GOPC: variants seen among roughly 807,000 people sequenced by gnomAD.
GOPC encodes Golgi-associated PDZ and coiled-coil motif-containing protein.
Under a neutral mutation model 51.2 loss-of-function variants are expected in GOPC, and 32 were observed. That is an observed-to-expected ratio of 0.63 (90% CI 0.47 to 0.84). The LOEUF is 0.84. GOPC is among the 40% of genes least tolerant of loss of function. GOPC has a pLI of 0.00. For synonymous variants in GOPC, 190 were observed against 205.1 expected, an observed-to-expected ratio of 0.93 and a Z score of 0.63; for missense variants, 441 against 555.5, an observed-to-expected ratio of 0.79 and a Z score of 2.07.
chr6:117,571,293 A>G (rs948874680), intron 5 of GOPC, among the ~76,000 whole-genome samples: 12 of 152,200 alleles, frequency 7.9e-5, no homozygotes, highest in African/African-American at 2.7e-4. Context: ...TCTTCACTGG[A>G]TATCTTTAAG....
At chr6:117,569,798 C>T (rs1278174287) in intron 6 of GOPC, 62 bp from the exon 7 acceptor site, 5 of 1,444,126 alleles carry the variant, frequency 3.5e-6, no homozygotes, top group Non-Finnish European at 4.6e-6. Flanking sequence ...ACCGATTAAT[C>T]TAGAGATAAA....
chr6:117,602,279 C>T lies in GOPC; in HGVS notation c.10G>A (p.Gly4Ser), dbSNP rs1772031482. 4.4e-6 allele frequency: 7 copies of T among 1,590,660 alleles called. No individual in the cohort carries two copies. Among genetic ancestry groups the T allele is most frequent in the Non-Finnish European group, 6.0e-6 (7 of 1,175,844 alleles). The change falls in exon 1 of 9, where the codon GGC (glycine) becomes AGC (serine). Residue 4 changes from glycine to serine, a missense_variant. Coordinates refer to ENST00000368498, the MANE Select transcript of GOPC (RefSeq NM_020399.4). Reference protein sequence around the residue: MSAGGPCPAAAGGG... With the variant: MSASGPCPAAAGGG... The stretch of plus-strand genomic sequence containing the variant: ...CCGGCTGCTGCTGGGCATGGACCGC[C>T]CGCCGACATGGCGCCGTCAAGGGCC...
Position 117,602,456 on chromosome 6 carries a change from C to T in GOPC, c.-168G>A, listed in dbSNP as rs1037007728. On this transcript the variant is annotated 5_prime_UTR_variant, in exon 1 of 9. Coordinates refer to ENST00000368498, the MANE Select transcript of GOPC (RefSeq NM_020399.4). ...CACAGTCACAGAACCGCAGGAGTAACGAGGCTGAAGCTGAGGCGGCAACGG... is the reference window on the plus strand; with the variant it reads ...CACAGTCACAGAACCGCAGGAGTAATGAGGCTGAAGCTGAGGCGGCAACGG... 4 of 659,956 alleles carry T rather than the reference C, an allele frequency of 6.1e-6. No individual in the cohort carries two copies. The Admixed American group carries it at 9.0e-5, about 15-fold the overall frequency. The allele number at this position is 659,956 out of a possible 1,614,324, so 40.9% of individuals were successfully genotyped here.
At chr6:117,588,432 C>G (rs772527835) in intron 1 of GOPC, among the ~76,000 whole-genome samples, 1 of 151,910 alleles carries the variant, frequency 6.6e-6, no homozygotes, top group Non-Finnish European at 1.5e-5. Context: ...CCCGCCACCA[C>G]GCCCAGCTAA....
intron 1 of GOPC, among the ~76,000 whole-genome samples, chr6:117,583,132 G>A (rs1288272065): frequency 6.6e-6 from 1 of 152,132 alleles, no homozygotes; most frequent in African/African-American, 2.4e-5. Flanking sequence ...CCTCCCATGA[G>A]GGGTGGAGTG....
intron 7 of GOPC, 68 bp downstream of exon 7, chr6:117,569,504 G>C: frequency 6.4e-7 from 1 of 1,568,026 alleles, no homozygotes; most frequent in Non-Finnish European, 8.6e-7. Context: ...TCGTAGGGAA[G>C]TATACAGTGT....
Position 117,561,754 on chromosome 6 carries a change from T to C in GOPC, c.*1500A>G, listed in dbSNP as rs926215802. ...AGTGCACTTCCATTACAAATTAACATGGTGATATACAGATGAACACCACCA... is the reference window on the plus strand; with the variant it reads ...AGTGCACTTCCATTACAAATTAACACGGTGATATACAGATGAACACCACCA... On this transcript the variant is annotated 3_prime_UTR_variant, in exon 9 of 9. Transcript: ENST00000368498. 3.4e-5 allele frequency: 7 copies of C among 206,274 alleles called. No homozygotes were observed. The highest frequency in any genetic ancestry group is 1.1e-4 in the African/African-American group (5 of 43,852). The allele number at this position is 206,274 out of a possible 1,614,324, so 12.8% of individuals were successfully genotyped here.
At chr6:117,574,663 C>T (rs1224963709) in intron 4 of GOPC, among the ~76,000 whole-genome samples, 1 of 152,154 alleles carries the variant, frequency 6.6e-6, no homozygotes, top group Non-Finnish European at 1.5e-5. Flanking sequence ...GTAAACTAAA[C>T]ATATTTAGTA....
At chr6:117,588,535 C>A (rs974087969) in intron 1 of GOPC, among the ~76,000 whole-genome samples, 5 of 152,080 alleles carry the variant, frequency 3.3e-5, no homozygotes, top group African/African-American at 1.2e-4. Context: ...CTCAGCCTCC[C>A]AAAGTGCAAG....
At position 117,602,035 on chromosome 6, in the gene GOPC, T is replaced by C. The variant is rs776265666; in HGVS notation, c.254A>G (p.Gln85Arg). The C allele has an allele frequency of 1.2e-6, 2 of 1,614,194 alleles. No homozygotes were observed. The highest frequency in any genetic ancestry group is 2.2e-5 in the South Asian group (2 of 91,090). Residue 85 changes from glutamine (Q) to arginine (R), a missense_variant, in exon 1 of 9, where the codon CAG (glutamine) becomes CGG (arginine). By Grantham distance (43) the Gln-to-Arg change is conservative. Coordinates refer to ENST00000368498, the MANE Select transcript of GOPC (RefSeq NM_020399.4). ...SCFAQLCHKA[Q>R]SVSQINHKLE... ...CTTGTGGTTGATTTGAGACACAGAC[T>C]GGGCTTTGTGGCAAAGCTGTGCAAA...
intron 3 of GOPC, among the ~76,000 whole-genome samples, chr6:117,576,679 T>C (rs539647673): frequency 6.6e-6 from 1 of 152,212 alleles, no homozygotes; most frequent in East Asian, 1.9e-4. Flanking sequence ...AAATCCCTAA[T>C]GAATCTGACA....
chr6:117,597,603 T>C (rs1452883801), intron 1 of GOPC, among the ~76,000 whole-genome samples: 1 of 152,180 alleles, frequency 6.6e-6, no homozygotes, highest in Non-Finnish European at 1.5e-5. Flanking sequence ...CAATTTGAAA[T>C]GGCACCACCT....
intron 1 of GOPC, among the ~76,000 whole-genome samples, chr6:117,591,096 C>G (rs925800506): frequency 6.6e-6 from 1 of 152,202 alleles, no homozygotes; most frequent in Non-Finnish European, 1.5e-5. Flanking sequence ...AGGTGATCTG[C>G]CCACCTCAGT....
intron 1 of GOPC, among the ~76,000 whole-genome samples, chr6:117,595,253 T>C (rs1583065310): frequency 6.6e-6 from 1 of 152,314 alleles, no homozygotes; most frequent in East Asian, 1.9e-4. Flanking sequence ...CGTCAGTTAG[T>C]CTAAATCCTA....
chr6:117,577,691 T>C (rs1466915330), intron 2 of GOPC, among the ~76,000 whole-genome samples: 1 of 152,088 alleles, frequency 6.6e-6, no homozygotes, highest in East Asian at 1.9e-4. Flanking sequence ...ACTGGTACAG[T>C]GTTCTTTTCA....
intron 1 of GOPC, among the ~76,000 whole-genome samples, chr6:117,600,521 T>C (rs1260247410): frequency 6.6e-6 from 1 of 152,154 alleles, no homozygotes; most frequent in African/African-American, 2.4e-5. Flanking sequence ...AGAGAACTAA[T>C]GGCCAGGCAC....
Position 117,562,009 on chromosome 6 carries a change from C to G in GOPC, c.*1245G>C. ...TTTCTCCCACTTAATATTCCTTTAA[C>G]TGTACGTCCTTTAAAACAGTGATAT... On this transcript the variant is annotated 3_prime_UTR_variant, in exon 9 of 9. Coordinates refer to ENST00000368498, the MANE Select transcript of GOPC (RefSeq NM_020399.4). 4.9e-6 allele frequency: 1 copy of G among 205,930 alleles called. No individual in the cohort carries two copies. The highest frequency in any genetic ancestry group is 7.4e-5 in the East Asian group (1 of 13,474). The allele number at this position is 205,930 out of a possible 1,614,324, so 12.8% of individuals were successfully genotyped here.
At chr6:117,578,822 T>C in intron 2 of GOPC, 78 bp downstream of exon 2, 1 of 884,104 alleles carries the variant, frequency 1.1e-6, no homozygotes, top group East Asian at 3.0e-5. Flanking sequence ...TATTTTATAA[T>C]TTAAAAGTCT....
intron 1 of GOPC, among the ~76,000 whole-genome samples, chr6:117,594,208 C>G (rs1047161294): frequency 6.6e-6 from 1 of 152,188 alleles, no homozygotes; most frequent in Non-Finnish European, 1.5e-5. Flanking sequence ...GTTACACATA[C>G]CAACTATCTC....
Sources: gnomAD v4.1 joint callset for allele counts (sites outside exome capture counted in the v4.1 genomes callset) on GRCh38, gnomAD v4.1.1 for gene constraint, MANE v1.5 for transcripts, NCBI Gene and HGNC (gene_info 2026-07-23, HGNC 2026-07-21) for gene names.